Variants in PCDHGB5 observed in about 807,000 individuals in gnomAD.
PCDHGB5 encodes protocadherin gamma subfamily B, 5.
PCDHGB5 carries 48 observed loss-of-function variants against 62.9 expected under a neutral mutation model. The observed-to-expected ratio is 0.76, with a 90% CI of 0.61 to 0.97. The LOEUF (loss-of-function observed/expected upper bound fraction) is 0.97, where lower values mean the gene tolerates loss of function less well. Ranked by LOEUF, PCDHGB5 falls within the 50% of genes least tolerant of loss-of-function variation. The pLI is 0.00. For synonymous variants in PCDHGB5, 474 were observed against 511.2 expected (o/e 0.93, Z 0.98); for missense variants, 1,118 against 1,198.6 (o/e 0.93, Z 0.99).
chr5:141,478,481 C>A, intron 1 of PCDHGB5: 1 of 1,613,576 alleles, frequency 6.2e-7, no homozygotes, highest in South Asian at 1.1e-5. Flanking sequence ...CCAGAACACG[C>A]TGCGGAGCTG....
intron 1 of PCDHGB5, chr5:141,404,213 A>G: frequency 6.2e-7 from 1 of 1,613,516 alleles, no homozygotes; most frequent in Non-Finnish European, 8.5e-7. Context: ...ATATAATATC[A>G]CGGTGACTGC....
chr5:141,502,514 T>A (rs2099814743), intron 2 of PCDHGB5, among the ~76,000 whole-genome samples: 1 of 152,202 alleles, frequency 6.6e-6, no homozygotes, highest in African/African-American at 2.4e-5. Flanking sequence ...TGTCCCACTA[T>A]CAGTGATGCC....
chr5:141,428,368 C>T, intron 1 of PCDHGB5: 1 of 545,002 alleles, frequency 1.8e-6, no homozygotes, highest in Non-Finnish European at 3.4e-6. Context: ...GGTCGCCTTG[C>T]ACCTGCGATG....
At chr5:141,481,472 A>G (rs2099538174) in intron 1 of PCDHGB5, among the ~76,000 whole-genome samples, 1 of 152,246 alleles carries the variant, frequency 6.6e-6, no homozygotes, top group Non-Finnish European at 1.5e-5. Context: ...CCATTGGATT[A>G]TACACTTTAA....
Position 141,491,077 on chromosome 5 carries a change from T to TAGGA in PCDHGB5, c.2398-3730_2398-3729insAGGA, listed in dbSNP as rs752090443. 1.2e-6 allele frequency: 2 copies of TAGGA among 1,614,166 alleles called. No homozygotes were observed. Among genetic ancestry groups the TAGGA allele is most frequent in the Admixed American group, 3.3e-5 (2 of 60,014 alleles). On this transcript the variant is annotated intron_variant, in intron 1 of 3. Transcript: ENST00000617380. This position sits in a 1 kb window ranked among gnomAD's most constrained non-coding sequence, Gnocchi z 6.9. The stretch of plus-strand genomic sequence containing the variant: ...GCTCTCCTACTCACTGTTGCCACAG[T>TAGGA]CCACAGCCCCAGGACTGTTCCTCGT...
At chr5:141,410,258 G>C in intron 1 of PCDHGB5, 1 of 1,614,022 alleles carries the variant, frequency 6.2e-7, no homozygotes, top group Non-Finnish European at 8.5e-7. Context: ...TGACCCCCAG[G>C]CTGAACTGCA....
In PCDHGB5 at chr5:141,491,907, G is replaced by A; in HGVS notation, c.2398-2900G>A. 5 of 1,408,726 alleles carry A rather than the reference G, an allele frequency of 3.5e-6. No homozygotes were observed. In the South Asian group the frequency reaches 7.5e-5, roughly 21 times the overall value. The allele number at this position is 1,408,726 out of a possible 1,614,324, so 87.3% of individuals were successfully genotyped here. A position where few individuals can be genotyped will look rare whatever the true frequency, so the allele number is the denominator to read the frequency against. ...TGGGGCTCCGAGCACCGGGGGTGGTGGCGACTGTGGGCGAGGGGAGGTGGG... is the reference window on the plus strand; with the variant it reads ...TGGGGCTCCGAGCACCGGGGGTGGTAGCGACTGTGGGCGAGGGGAGGTGGG... On this transcript the variant is annotated intron_variant, in intron 1 of 3. Coordinates refer to ENST00000617380, the MANE Select transcript of PCDHGB5 (RefSeq NM_018925.3). This position sits in a 1 kb window ranked among gnomAD's most constrained non-coding sequence, Gnocchi z 6.9.
At chr5:141,408,910 T>A in intron 1 of PCDHGB5, 1 of 1,613,256 alleles carries the variant, frequency 6.2e-7, no homozygotes, top group Non-Finnish European at 8.5e-7. Flanking sequence ...AGGATACCAA[T>A]GATAACCCCC....
At chr5:141,405,498 C>T in intron 1 of PCDHGB5, 2 of 784,948 alleles carry the variant, frequency 2.5e-6, no homozygotes, top group Admixed American at 2.7e-5. Flanking sequence ...CGGCTCATTG[C>T]AACCTCCGCC....
At position 141,476,753 on chromosome 5, in the gene PCDHGB5, G is replaced by C; in HGVS notation, c.2398-18054G>C. On this transcript the variant is annotated intron_variant, in intron 1 of 3. Coordinates refer to ENST00000617380, the MANE Select transcript of PCDHGB5 (RefSeq NM_018925.3). This position sits in a 1 kb window ranked among gnomAD's most constrained non-coding sequence, Gnocchi z 7.6. Reference sequence around the variant, plus strand: ...AGAACGGGAGCCTAGTCTCCAGTTAGTGCTGACGGCGTTGGACGGAGGGAC... The same window carrying C: ...AGAACGGGAGCCTAGTCTCCAGTTACTGCTGACGGCGTTGGACGGAGGGAC... 3.1e-6 allele frequency: 5 copies of C among 1,614,012 alleles called. No individual in the cohort carries two copies. The highest frequency in any genetic ancestry group is 4.2e-6 in the Non-Finnish European group (5 of 1,180,030).
At chr5:141,498,105 G>A (rs150297456) in intron 2 of PCDHGB5, among the ~76,000 whole-genome samples, 4 of 152,206 alleles carry the variant, frequency 2.6e-5, no homozygotes, top group African/African-American at 9.7e-5. Flanking sequence ...TGGTGTGGGC[G>A]TATAATAGGG....
intron 2 of PCDHGB5, among the ~76,000 whole-genome samples, chr5:141,502,956 G>A (rs986743949): frequency 1.3e-5 from 2 of 148,846 alleles, no homozygotes; most frequent in African/African-American, 5.0e-5. Context: ...CGATTCTCCT[G>A]CCTCAGCCTC....
chr5:141,472,928 G>A (rs926768431), intron 1 of PCDHGB5, among the ~76,000 whole-genome samples: 13 of 150,136 alleles, frequency 8.7e-5, no homozygotes, highest in Admixed American at 2.7e-4. Flanking sequence ...GGAGGTTGTG[G>A]TGAGCCAAGA....
chr5:141,504,241 A>G (rs1282647590), intron 2 of PCDHGB5, among the ~76,000 whole-genome samples: 1 of 152,156 alleles, frequency 6.6e-6, no homozygotes, highest in Non-Finnish European at 1.5e-5. Flanking sequence ...AGAAGCAGAG[A>G]GTTCTTCTTA....
chr5:141,446,578 GTGAT>G (rs2098507706), intron 1 of PCDHGB5, among the ~76,000 whole-genome samples: 1 of 152,064 alleles, frequency 6.6e-6, no homozygotes, highest in African/African-American at 2.4e-5. Context: ...CCAGGTTCAA[GTGAT>G]TCTTCTGCCT....
intron 2 of PCDHGB5, among the ~76,000 whole-genome samples, chr5:141,503,608 AAAAAAAG>A (rs1483073868): frequency 3.3e-5 from 5 of 151,876 alleles, no homozygotes; most frequent in South Asian, 2.1e-4. Context: ...CAAAAAAAAA[AAAAAAAG>A]AAAAAAGAAA....
In PCDHGB5 at chr5:141,408,945, G is replaced by A. The variant is rs1176579339; in HGVS notation, c.2397+8421G>A. 21 of 1,613,590 alleles carry A rather than the reference G, an allele frequency of 1.3e-5. No individual in the cohort carries two copies. In the East Asian group the frequency reaches 4.7e-4, roughly 36 times the overall value. Reference sequence around the variant, plus strand: ...CCGGTTTTCAGCAGAGACGAATATAGAATTAGTCTTAGTGAAAATCTGCCC... The same window carrying A: ...CCGGTTTTCAGCAGAGACGAATATAAAATTAGTCTTAGTGAAAATCTGCCC... On this transcript the variant is annotated intron_variant, in intron 1 of 3. Coordinates refer to ENST00000617380, the MANE Select transcript of PCDHGB5 (RefSeq NM_018925.3).
intron 1 of PCDHGB5, chr5:141,408,546 A>G (rs777449394): frequency 6.2e-7 from 1 of 1,613,898 alleles, no homozygotes; most frequent in Non-Finnish European, 8.5e-7. Context: ...AATCCTTTAA[A>G]TATTTTTCAT....
Position 141,485,855 on chromosome 5 carries a change from C to A in PCDHGB5, c.2398-8952C>A. ...CCCGCCGAGATCTGGCACCGCAGAG[C>A]TCCGGGTATCCGTGCTGGACGTAAA... On this transcript the variant is annotated intron_variant, in intron 1 of 3. Transcript: ENST00000617380. The surrounding 1 kb of genome is among the most constrained non-coding windows in gnomAD (Gnocchi z 5.7). 6.2e-7 allele frequency: 1 copy of A among 1,614,196 alleles called. No homozygotes were observed. Among genetic ancestry groups the A allele is most frequent in the Non-Finnish European group, 8.5e-7 (1 of 1,180,036 alleles).
Sources: gnomAD v4.1 joint callset for allele counts (sites outside exome capture counted in the v4.1 genomes callset) on GRCh38, gnomAD v4.1.1 for gene constraint, Gnocchi (gnomAD v3.1) non-coding constraint, MANE v1.5 for transcripts, NCBI Gene and HGNC (gene_info 2026-07-23, HGNC 2026-07-21) for gene names.